The following EIF2AK3 variants were observed in gnomAD, a reference collection of about 807,000 sequenced individuals.
EIF2AK3 encodes the protein eukaryotic translation initiation factor 2-alpha kinase 3.
EIF2AK3 carries 50 observed loss-of-function variants against 113.5 expected under a neutral mutation model. The observed-to-expected ratio is 0.44, with a 90% CI of 0.35 to 0.56. The LOEUF (loss-of-function observed/expected upper bound fraction) is 0.56. Ranked by LOEUF, EIF2AK3 falls within the 20% of genes least tolerant of loss-of-function variation. EIF2AK3 has a pLI of 0.00. For synonymous variants in EIF2AK3, 448 were observed against 495.4 expected, an observed-to-expected ratio of 0.90 and a Z score of 1.27; for missense variants, 1,185 against 1,378.0, an observed-to-expected ratio of 0.86 and a Z score of 2.22.
chr2:88,621,844 T>C (rs1450054851), intron 1 of EIF2AK3, among the ~76,000 whole-genome samples: 14 of 152,134 alleles, frequency 9.2e-5, no homozygotes, highest in Non-Finnish European at 1.5e-5. Context: ...AGATATCCTT[T>C]TCCTGTTACA....
chr2:88,588,638 T>A (rs977809180), intron 7 of EIF2AK3, 123 bp downstream of exon 7: 44 of 984,122 alleles, frequency 4.5e-5, no homozygotes, highest in Non-Finnish European at 6.1e-5. Context: ...CATCATGGTT[T>A]ATCAATAAAA....
chr2:88,570,709 C>T (rs1674282191), intron 14 of EIF2AK3, among the ~76,000 whole-genome samples, 165 bp downstream of exon 14: 1 of 152,190 alleles, frequency 6.6e-6, no homozygotes, highest in African/African-American at 2.4e-5. Context: ...GTAGAAACTA[C>T]ATCTTAGCTG....
chr2:88,560,804 A>T (rs932684560), intron 15 of EIF2AK3, among the ~76,000 whole-genome samples: 1 of 151,038 alleles, frequency 6.6e-6, no homozygotes, highest in Non-Finnish European at 1.5e-5. Context: ...CGGTTAGAAG[A>T]TATGAGTCAT....
intron 1 of EIF2AK3, among the ~76,000 whole-genome samples, chr2:88,621,070 TC>T (rs1675707508): frequency 6.6e-6 from 1 of 152,226 alleles, no homozygotes; most frequent in African/African-American, 2.4e-5. Context: ...GGTTTTTAAC[TC>T]ATTATTCTGT....
chr2:88,577,130 C>T (rs1024037757), intron 11 of EIF2AK3, among the ~76,000 whole-genome samples: 5 of 151,748 alleles, frequency 3.3e-5, no homozygotes, highest in African/African-American at 9.7e-5. Flanking sequence ...ATTACAGATG[C>T]GCACCACCAC....
intron 4 of EIF2AK3, 94 bp downstream of exon 4, chr2:88,593,178 A>C (rs1020035824): frequency 5.5e-5 from 83 of 1,503,644 alleles, no homozygotes; most frequent in Non-Finnish European, 7.7e-5. Context: ...AAGGCAACAA[A>C]ATAGTCAAAA....
chr2:88,605,970 G>C (rs906863714), intron 2 of EIF2AK3, among the ~76,000 whole-genome samples: 1 of 152,106 alleles, frequency 6.6e-6, no homozygotes. Context: ...CAGCAGATCC[G>C]GGTATTAGTC....
intron 1 of EIF2AK3, among the ~76,000 whole-genome samples, chr2:88,622,199 A>G (rs1460343835): frequency 3.9e-5 from 6 of 152,174 alleles, no homozygotes; most frequent in South Asian, 2.1e-4. Flanking sequence ...GCCCGGCCCT[A>G]TGAAAGACTT....
Position 88,575,267 on chromosome 2 carries a change from G to A in EIF2AK3, c.2216C>T (p.Ser739Leu). Residue 739 changes from serine to leucine, a missense_variant, in exon 13 of 17, where the codon TCA becomes TTA. Physicochemically the swap from Ser to Leu is moderately radical, Grantham distance 145. Around this residue, in one of 3 missense-constraint regions of EIF2AK3, gnomAD observed 877 missense variants for 1,024.2 expected, o/e 0.86. Transcript: ENST00000303236. ...DQTSSSESQF[S>L]PLEFSGMDHE... ...GTCCATTCCTGAGAATTCCAGTGGTGAGAACTGGCTCTCAGATGAACTTGT... is the reference window on the plus strand; with the variant it reads ...GTCCATTCCTGAGAATTCCAGTGGTAAGAACTGGCTCTCAGATGAACTTGT... The A allele has an allele frequency of 6.2e-7, 1 of 1,614,126 alleles. No homozygotes were observed. The highest frequency in any genetic ancestry group is 8.5e-7 in the Non-Finnish European group (1 of 1,179,990).
intron 2 of EIF2AK3, among the ~76,000 whole-genome samples, chr2:88,609,996 C>G (rs1675391752): frequency 6.7e-6 from 1 of 149,184 alleles, no homozygotes; most frequent in African/African-American, 2.5e-5. Context: ...GTGGCAAGCG[C>G]CTATAGTCTT....
intron 2 of EIF2AK3, among the ~76,000 whole-genome samples, chr2:88,598,950 A>G (rs1195493872): frequency 6.6e-6 from 1 of 152,152 alleles, no homozygotes; most frequent in Non-Finnish European, 1.5e-5. Flanking sequence ...GAGAGTGGGC[A>G]AGAGGACACG....
rs771981026 is a variant in EIF2AK3 at position 88,627,396 on chromosome 2, G to C, written c.-122C>G. On this transcript the variant is annotated 5_prime_UTR_variant, in exon 1 of 17. Transcript: ENST00000303236. ...ACCCTACTGCCGCCCCGACGGCCTG[G>C]ACAGCCAGCCGTGTTCCCCTGGCCA... 2 of 1,222,644 alleles carry C rather than the reference G, an allele frequency of 1.6e-6. No homozygotes were observed. The highest frequency in any genetic ancestry group is 2.1e-6 in the Non-Finnish European group (2 of 950,470). 75.7% of individuals were successfully genotyped at this position (1,222,644 alleles called of 1,614,324 possible). A position where few individuals can be genotyped will look rare whatever the true frequency, so the allele number is the denominator to read the frequency against.
At chr2:88,623,283 A>G (rs1360581002) in intron 1 of EIF2AK3, among the ~76,000 whole-genome samples, 1 of 152,186 alleles carries the variant, frequency 6.6e-6, no homozygotes, top group Admixed American at 6.5e-5. Flanking sequence ...TGACCATCCC[A>G]CTTAAATATC....
intron 14 of EIF2AK3, among the ~76,000 whole-genome samples, chr2:88,567,003 C>T (rs1161340048): frequency 6.6e-6 from 1 of 152,062 alleles, no homozygotes; most frequent in African/African-American, 2.4e-5. Flanking sequence ...TAAAAACAGA[C>T]AAAATTATAA....
chr2:88,590,425 T>A lies in EIF2AK3; in HGVS notation c.1165+18A>T, dbSNP rs1474320006. On this transcript the variant is annotated intron_variant, in intron 6 of 16. Coordinates refer to ENST00000303236, the MANE Select transcript of EIF2AK3 (RefSeq NM_004836.7). Reference sequence around the variant, plus strand: ...GATGTCAATGTGTACTATCGTTAGATAAGATACATTTACTCACCCAAGTAA... The same window carrying A: ...GATGTCAATGTGTACTATCGTTAGAAAAGATACATTTACTCACCCAAGTAA... 6.2e-7 allele frequency: 1 copy of A among 1,613,256 alleles called. No individual in the cohort carries two copies. The highest frequency in any genetic ancestry group is 1.7e-5 in the Admixed American group (1 of 60,014).
At chr2:88,564,594 A>G (rs1342362774) in intron 14 of EIF2AK3, among the ~76,000 whole-genome samples, 1 of 152,116 alleles carries the variant, frequency 6.6e-6, no homozygotes, top group Non-Finnish European at 1.5e-5. Context: ...GCCACACTAC[A>G]GTCAGCACAG....
intron 14 of EIF2AK3, among the ~76,000 whole-genome samples, chr2:88,569,879 G>A (rs925112581): frequency 1.7e-4 from 26 of 152,068 alleles, no homozygotes; most frequent in Admixed American, 8.5e-4. Flanking sequence ...ATATCTGTGC[G>A]AGGCCAGATT....
At position 88,593,843 on chromosome 2, in the gene EIF2AK3, C is replaced by A. The variant is rs1674944427; in HGVS notation, c.634-438G>T. The stretch of plus-strand genomic sequence containing the variant: ...GCTTTTTGTATTCAAAAGTAACTGC[C>A]TCAAATTTTCACTAAAGAAAAAAGG... On this transcript the variant is annotated intron_variant, in intron 3 of 16. Transcript: ENST00000303236. 6.2e-6 allele frequency: 6 copies of A among 973,118 alleles called. No homozygotes were observed. In the South Asian group the frequency reaches 2.6e-4, roughly 42 times the overall value. 60.3% of individuals were successfully genotyped at this position (973,118 alleles called of 1,614,324 possible).
At chr2:88,568,516 C>T (rs1674202994) in intron 14 of EIF2AK3, among the ~76,000 whole-genome samples, 1 of 152,170 alleles carries the variant, frequency 6.6e-6, no homozygotes, top group South Asian at 2.1e-4. Context: ...TTTAAATATA[C>T]ACCTTTTTAA....
Sources: allele counts gnomAD v4.1 joint callset (sites outside exome capture counted in the v4.1 genomes callset), GRCh38; gene constraint gnomAD v4.1.1; regional missense constraint gnomAD v4.1.1; transcripts MANE v1.5; gene names NCBI Gene and HGNC (gene_info 2026-07-23, HGNC 2026-07-21).